Variants in ZNF558 observed in about 807,000 individuals in gnomAD.
ZNF558 encodes the protein zinc finger protein 558.
Under a neutral mutation model 37.6 loss-of-function variants are expected in ZNF558, and 23 were observed. The ratio of observed to expected loss-of-function variants is 0.61; its 90% CI spans 0.44 to 0.87. The LOEUF (loss-of-function observed/expected upper bound fraction) is 0.87, where lower values mean the gene tolerates loss of function less well. Ranked by LOEUF, ZNF558 falls within the 40% of genes least tolerant of loss-of-function variation. The pLI is 0.00. For missense variants in ZNF558, 429 were observed against 483.7 expected, an observed-to-expected ratio of 0.89 and a Z score of 1.06; for synonymous variants, 189 against 174.4, an observed-to-expected ratio of 1.08 and a Z score of -0.66.
At position 8,822,671 on chromosome 19, in the gene ZNF558, G is replaced by T. The variant is rs756621096; in HGVS notation, c.-12C>A. On this transcript the variant is annotated 5_prime_UTR_variant, in exon 5 of 10. Coordinates refer to ENST00000601372, the MANE Select transcript of ZNF558 (RefSeq NM_144693.3). This position sits in a 1 kb window ranked among gnomAD's most constrained non-coding sequence, Gnocchi z 4.4. ...ATGACAGCCGCCATCCTGTGACTCC[G>T]ACAGCAACAGGGCAGCCGGGAAGCA... is the stretch of plus-strand genomic sequence containing the variant. 2.5e-6 allele frequency: 4 copies of T among 1,614,032 alleles called. No individual in the cohort carries two copies. In the South Asian group the frequency reaches 4.4e-5, roughly 18 times the overall value.
chr19:8,835,697 CAT>C (rs35954838), upstream of ZNF558, among the ~76,000 whole-genome samples: 95,178 of 151,794 alleles, frequency 0.63, 30,577 homozygotes, highest in Middle Eastern at 0.78. Flanking sequence ...GAAATGAAAA[CAT>C]GTGTTCACAT....
At chr19:8,813,615 T>A (rs2043854988) in intron 7 of ZNF558, among the ~76,000 whole-genome samples, 1 of 152,228 alleles carries the variant, frequency 6.6e-6, no homozygotes, top group Admixed American at 6.5e-5. Context: ...TCCACCCACC[T>A]TGGCCTCCCA....
chr19:8,812,519 C>T, intron 9 of ZNF558, 42 bp downstream of exon 9: 1 of 1,384,830 alleles, frequency 7.2e-7, no homozygotes, highest in Non-Finnish European at 9.8e-7. Context: ...TTAAGGCATT[C>T]TCCTACTGTA....
At chr19:8,837,090 G>A (rs79345726), upstream of ZNF558, among the ~76,000 whole-genome samples, 2,405 of 152,144 alleles carry the variant, frequency 0.016, 65 homozygotes, top group African/African-American at 0.056. Flanking sequence ...ATTTTAAATG[G>A]CCAGTTTGTC....
chr19:8,834,335 C>T (rs564460410), upstream of ZNF558, among the ~76,000 whole-genome samples: 5 of 152,116 alleles, frequency 3.3e-5, 2 homozygotes, highest in African/African-American at 1.2e-4. Context: ...TTGGGCTGGG[C>T]GTGGTGGCTC....
At position 8,822,371 on chromosome 19, in the gene ZNF558, T is replaced by A. The variant is rs948424173; in HGVS notation, c.31+258A>T. ...AACAAGTTCCAAGGGCGTCACTGTG[T>A]TTTTATCAGATTCACAGAAAGAACT... On this transcript the variant is annotated intron_variant, in intron 5 of 9. Coordinates refer to ENST00000601372, the MANE Select transcript of ZNF558 (RefSeq NM_144693.3). The surrounding 1 kb of genome is among the most constrained non-coding windows in gnomAD (Gnocchi z 4.4). 6.6e-6 allele frequency among the ~76,000 whole-genome samples: 1 copy of A among 152,170 alleles called. No individual in the cohort carries two copies. The highest frequency in any genetic ancestry group is 1.5e-5 in the Non-Finnish European group (1 of 68,024).
intron 1 of ZNF558, chr19:8,831,989 T>G (rs2044369340): frequency 6.6e-6 from 1 of 152,260 alleles, no homozygotes; most frequent in Admixed American, 6.5e-5. Flanking sequence ...GGGTGCGGAA[T>G]CGCCCCGGGT....
chr19:8,811,079 A>T lies in ZNF558; in HGVS notation c.*202T>A, dbSNP rs896687498. ...AAAGGCATGAGAGATCCTGCAGTGT[A>T]ACTACAGAGATAAGCTGTTCTTGAA... On this transcript the variant is annotated 3_prime_UTR_variant, in exon 10 of 10. Coordinates refer to ENST00000601372, the MANE Select transcript of ZNF558 (RefSeq NM_144693.3). 1.7e-5 allele frequency: 9 copies of T among 537,226 alleles called. No homozygotes were observed. The highest frequency in any genetic ancestry group is 2.6e-5 in the Non-Finnish European group (8 of 308,978). The allele number at this position is 537,226 out of a possible 1,614,324, so 33.3% of individuals were successfully genotyped here. A position where few individuals can be genotyped will look rare whatever the true frequency, so the allele number is the denominator to read the frequency against.
chr19:8,817,164 G>A (rs974935490), intron 7 of ZNF558, among the ~76,000 whole-genome samples: 1 of 152,164 alleles, frequency 6.6e-6, no homozygotes, highest in African/African-American at 2.4e-5. Context: ...TAAATAGGCA[G>A]AAGTAGCTCC....
At chr19:8,818,458 A>G (rs538424115) in intron 7 of ZNF558, among the ~76,000 whole-genome samples, 1 of 152,164 alleles carries the variant, frequency 6.6e-6, no homozygotes, top group Non-Finnish European at 1.5e-5. Context: ...CTCAAAAAAA[A>G]TAATAAAGTT....
intron 9 of ZNF558, 75 bp from the exon 10 acceptor site, chr19:8,812,138 C>G (rs2043810343): frequency 2.3e-6 from 3 of 1,277,236 alleles, no homozygotes; most frequent in Non-Finnish European, 3.1e-6. Flanking sequence ...GGAATCTTCT[C>G]TCCCAGGAAT....
upstream of ZNF558, chr19:8,833,274 T>C (rs2044406908): frequency 6.6e-6 from 1 of 152,190 alleles, no homozygotes; most frequent in Non-Finnish European, 1.5e-5. Context: ...TGTCTATAAC[T>C]TGCTTTCCCA....
intron 2 of ZNF558, among the ~76,000 whole-genome samples, chr19:8,827,319 A>AT (rs1243691411): frequency 1.3e-5 from 2 of 151,806 alleles, no homozygotes; most frequent in Non-Finnish European, 2.9e-5. Context: ...AATAAATTTT[A>AT]TTTTTTTTGG....
chr19:8,824,951 T>G (rs1216729840), intron 3 of ZNF558, 51 bp downstream of exon 3: 1 of 152,258 alleles, frequency 6.6e-6, no homozygotes, highest in African/African-American at 2.4e-5. Context: ...GCTTCCCTAC[T>G]ATCATCCCAA....
At chr19:8,826,264 G>A (rs1482282255) in intron 2 of ZNF558, among the ~76,000 whole-genome samples, 1 of 152,034 alleles carries the variant, frequency 6.6e-6, no homozygotes, top group Non-Finnish European at 1.5e-5. Flanking sequence ...GGGCTGGGCA[G>A]GGAATGGTTT....
At chr19:8,821,607 G>A in intron 6 of ZNF558, 1 of 1,348,596 alleles carries the variant, frequency 7.4e-7, no homozygotes, top group Non-Finnish European at 9.5e-7. Context: ...ACTCAGACTG[G>A]GAGCTCCTGT....
chr19:8,811,150 A>T lies in ZNF558; in HGVS notation c.*131T>A. The T allele has an allele frequency of 1.1e-6, 1 of 931,162 alleles. No homozygotes were observed. 57.7% of individuals were successfully genotyped at this position (931,162 alleles called of 1,614,324 possible). A position where few individuals can be genotyped will look rare whatever the true frequency, so the allele number is the denominator to read the frequency against. On this transcript the variant is annotated 3_prime_UTR_variant, in exon 10 of 10. Transcript: ENST00000601372. The stretch of plus-strand genomic sequence containing the variant: ...TTAGAGAATAAACATTTCGTGTTTG[A>T]AGCCACAAAATTTGCGGGGATCATT...
chr19:8,811,288 C>A lies in ZNF558; in HGVS notation c.1202G>T (p.Trp401Leu). 2 of 1,559,340 alleles carry A rather than the reference C, an allele frequency of 1.3e-6. No individual in the cohort carries two copies. The highest frequency in any genetic ancestry group is 1.7e-6 in the Non-Finnish European group (2 of 1,155,528). The change falls in exon 10 of 10, where the codon TGG (tryptophan) becomes TTG (leucine). Residue 401 changes from tryptophan (W) to leucine (L), a missense_variant. Coordinates refer to ENST00000601372, the MANE Select transcript of ZNF558 (RefSeq NM_144693.3). Reference sequence around the variant, plus strand: ...AGAAGTTCCTGCAGTAATTCATATCCATCTATTATGTATTCTCTTGTGCAC... The same window carrying A: ...AGAAGTTCCTGCAGTAATTCATATCAATCTATTATGTATTCTCTTGTGCAC... ...LSVHKRIHNR[W>L]I
chr19:8,834,604 C>CAAAAAA (rs34714268), upstream of ZNF558, among the ~76,000 whole-genome samples: 1 of 88,576 alleles, frequency 1.1e-5, no homozygotes. Flanking sequence ...GAGACTCCAT[C>CAAAAAA]AAAAAAAAAA....
Sources: allele counts gnomAD v4.1 joint callset (sites outside exome capture counted in the v4.1 genomes callset), GRCh38; gene constraint gnomAD v4.1.1; non-coding constraint Gnocchi (gnomAD v3.1); transcripts MANE v1.5; gene names NCBI Gene and HGNC (gene_info 2026-07-23, HGNC 2026-07-21).